Variants in AGBL3 observed in about 807,000 individuals in gnomAD.
AGBL3 encodes the protein AGBL carboxypeptidase 3, also known as cytosolic carboxypeptidase 3.
Under a neutral mutation model 94.5 loss-of-function variants are expected in AGBL3, and 68 were observed. The ratio of observed to expected loss-of-function variants is 0.72; its 90% CI spans 0.59 to 0.88. The LOEUF (loss-of-function observed/expected upper bound fraction) is 0.88. Ranked by LOEUF, AGBL3 falls within the 40% of genes least tolerant of loss-of-function variation. AGBL3 has a pLI of 0.00. For synonymous variants in AGBL3, 354 were observed against 370.7 expected (o/e 0.95, Z 0.52); for missense variants, 934 against 1,103.8 (o/e 0.85, Z 2.18).
chr7:135,128,890 A>T, intron 16 of AGBL3: 1 of 1,391,202 alleles, frequency 7.2e-7, no homozygotes, highest in Non-Finnish European at 1.0e-6. Flanking sequence ...GATCAAGCTC[A>T]GCAGATAAAA....
At chr7:135,047,448 C>A (rs370146716) in intron 11 of AGBL3, among the ~76,000 whole-genome samples, 32 of 152,062 alleles carry the variant, frequency 2.1e-4, no homozygotes, top group African/African-American at 7.0e-4. Context: ...TTCTGAGGAA[C>A]CTCTGTGCTG....
intron 11 of AGBL3, among the ~76,000 whole-genome samples, chr7:135,053,108 C>T (rs563098110): frequency 1.1e-4 from 17 of 152,210 alleles, no homozygotes; most frequent in Admixed American, 6.5e-4. Context: ...TAAATGAAAG[C>T]GTCCAAATAT....
chr7:135,096,558 A>AAGAAAGAAAGATAGAT (rs1303741491), intron 15 of AGBL3, among the ~76,000 whole-genome samples: 2 of 79,720 alleles, frequency 2.5e-5, no homozygotes, highest in East Asian at 3.0e-4. Flanking sequence ...GAAAGAAAGA[A>AAGAAAGAAAGATAGAT]AGATAGATAG....
At position 134,993,556 on chromosome 7, in the gene AGBL3, G is replaced by A. The variant is rs200515296; in HGVS notation, c.188G>A (p.Gly63Glu). 133 of 1,551,770 alleles carry A rather than the reference G, an allele frequency of 8.6e-5. 1 individual carries two copies. In the East Asian group the frequency reaches 2.5e-3, roughly 30 times the overall value. ...CAGATACTATTAGAATATCAGCTAG[G>A]GAGATGGGTGCCACGTCTTCGTGAA... ...TTQILLEYQLGRWVPRLREPR... is the reference protein window; with the variant it reads ...TTQILLEYQLERWVPRLREPR... Residue 63 changes from glycine (G) to glutamate (E), a missense_variant, in exon 4 of 17, where the codon GGG becomes GAG. Gly to Glu is a moderately conservative substitution (Grantham distance 98, BLOSUM62 -2). Transcript: ENST00000436302.
At chr7:135,080,343 C>T (rs1353912134) in intron 14 of AGBL3, 83 bp downstream of exon 14, 8 of 1,096,272 alleles carry the variant, frequency 7.3e-6, no homozygotes, top group Non-Finnish European at 1.1e-5. Flanking sequence ...TTTGAGGTTG[C>T]CACTGTGCTT....
intron 5 of AGBL3, among the ~76,000 whole-genome samples, chr7:135,028,848 ACTT>A (rs1815426707): frequency 6.6e-6 from 1 of 152,238 alleles, no homozygotes; most frequent in Non-Finnish European, 1.5e-5. Context: ...AGTTGAAATT[ACTT>A]CTTGATCCAT....
chr7:135,017,809 A>T (rs1813977049), intron 5 of AGBL3, among the ~76,000 whole-genome samples: 1 of 152,216 alleles, frequency 6.6e-6, no homozygotes, highest in Non-Finnish European at 1.5e-5. Context: ...CTCCCTGTAC[A>T]GTAAGCAATT....
intron 4 of AGBL3, among the ~76,000 whole-genome samples, chr7:135,003,801 G>T (rs1434222406): frequency 6.6e-6 from 1 of 151,154 alleles, no homozygotes; most frequent in African/African-American, 2.4e-5. Flanking sequence ...ATACAGGAAA[G>T]TTATTTTTGT....
intron 16 of AGBL3, chr7:135,129,201 G>A (rs1419146866): frequency 2.1e-6 from 3 of 1,424,268 alleles, no homozygotes; most frequent in Non-Finnish European, 3.0e-6. Flanking sequence ...CTGCCCCCAC[G>A]CATGCTGCCA....
intron 5 of AGBL3, 88 bp from the exon 6 acceptor site, chr7:135,032,756 A>C: frequency 8.0e-7 from 1 of 1,256,934 alleles, no homozygotes; most frequent in Non-Finnish European, 1.1e-6. Flanking sequence ...CAATCCTTAC[A>C]CTTGTACTAT....
intron 16 of AGBL3, among the ~76,000 whole-genome samples, chr7:135,122,078 T>C (rs1827218445): frequency 6.6e-6 from 1 of 152,202 alleles, no homozygotes; most frequent in Admixed American, 6.5e-5. Flanking sequence ...GCCGTTTGAG[T>C]TCCTTGGGGG....
Position 135,007,382 on chromosome 7 carries a change from A to T in AGBL3, c.311-9670A>T, listed in dbSNP as rs527937110. On this transcript the variant is annotated intron_variant, in intron 4 of 16. Transcript: ENST00000436302. ...TCCAGATATGTTGTTTGTTCCCTGT[A>T]CCCAAAAATCAATTAATGTGATAGA... Among the ~76,000 whole-genome samples, 82 of 152,098 alleles carry T rather than the reference A, an allele frequency of 5.4e-4. 1 individual carries two copies. Among genetic ancestry groups the T allele is most frequent in the African/African-American group, 1.8e-3 (74 of 41,576 alleles).
intron 16 of AGBL3, chr7:135,128,685 G>A (rs1339646792): frequency 7.7e-7 from 1 of 1,290,352 alleles, no homozygotes. Flanking sequence ...CCTGAATATT[G>A]TCTCTCCTTT....
intron 11 of AGBL3, among the ~76,000 whole-genome samples, chr7:135,046,276 C>T (rs1053027904): frequency 1.3e-5 from 2 of 152,058 alleles, no homozygotes; most frequent in Non-Finnish European, 2.9e-5. Flanking sequence ...CTATATATCC[C>T]CTACCAGAGT....
chr7:135,022,213 T>A (rs963598816), intron 5 of AGBL3, among the ~76,000 whole-genome samples: 2 of 152,224 alleles, frequency 1.3e-5, no homozygotes, highest in African/African-American at 4.8e-5. Flanking sequence ...AAATGGTATT[T>A]CTGGTTCTAG....
At chr7:135,044,806 G>A (rs1284454154) in intron 9 of AGBL3, among the ~76,000 whole-genome samples, 1 of 149,250 alleles carries the variant, frequency 6.7e-6, no homozygotes, top group Admixed American at 6.7e-5. Flanking sequence ...CTGGTGTGCT[G>A]CACCCACTAA....
intron 6 of AGBL3, among the ~76,000 whole-genome samples, chr7:135,033,241 G>T (rs1815961162): frequency 6.6e-6 from 1 of 152,148 alleles, no homozygotes; most frequent in Non-Finnish European, 1.5e-5. Flanking sequence ...CACACACACA[G>T]TGCTTCTCAA....
In AGBL3 at chr7:135,059,049, G is replaced by A. The variant is rs556483616; in HGVS notation, c.1842-120G>A. The A allele has an allele frequency of 9.9e-4, 763 of 770,562 alleles. 1 individual carries two copies. The highest frequency in any genetic ancestry group is 1.4e-3 in the Non-Finnish European group (677 of 481,070). The allele number at this position is 770,562 out of a possible 1,614,324, so 47.7% of individuals were successfully genotyped here. ...TCGGATTACAGGCATGAGTCACTGC[G>A]CCCGGCCACTTCTTATAATTAGAAC... On this transcript the variant is annotated intron_variant, in intron 11 of 16. Transcript: ENST00000436302.
At chr7:135,010,860 T>C (rs2133459701) in intron 4 of AGBL3, 1 of 152,284 alleles carries the variant, frequency 6.6e-6, no homozygotes, top group East Asian at 1.9e-4. Context: ...TGTTCATAGA[T>C]TGGGAGACTC....
Sources: gnomAD v4.1 joint callset for allele counts (sites outside exome capture counted in the v4.1 genomes callset) on GRCh38, gnomAD v4.1.1 for gene constraint, MANE v1.5 for transcripts, NCBI Gene and HGNC (gene_info 2026-07-23, HGNC 2026-07-21) for gene names.